USP48: variants seen among roughly 807,000 people sequenced by gnomAD.
USP48 encodes the protein ubiquitin carboxyl-terminal hydrolase 48.
Under a neutral mutation model 150.7 loss-of-function variants are expected in USP48, and 43 were observed. The observed-to-expected ratio is 0.29, with a 90% CI of 0.22 to 0.37. The LOEUF (loss-of-function observed/expected upper bound fraction) is 0.37, where lower values mean the gene tolerates loss of function less well. Among genes scored for constraint, USP48 ranks in the 10% least tolerant of loss-of-function variants. The pLI, the probability that USP48 is intolerant of heterozygous loss-of-function variation, is 1.00. For synonymous variants in USP48, 396 were observed against 425.9 expected (o/e 0.93, Z 0.86); for missense variants, 813 against 1,249.6 (o/e 0.65, Z 5.27).
chr1:21,720,929 G>A, intron 14 of USP48, 107 bp downstream of exon 14: 1 of 1,450,158 alleles, frequency 6.9e-7, no homozygotes, highest in Non-Finnish European at 9.4e-7. Flanking sequence ...CTGCCCGTCT[G>A]AGCCTCCCAA....
intron 13 of USP48, 101 bp downstream of exon 13, chr1:21,721,549 A>G (rs1481438098): frequency 1.2e-6 from 1 of 858,352 alleles, no homozygotes; most frequent in Admixed American, 3.6e-5. Flanking sequence ...CCTTCTTCTA[A>G]AAATCCCAAC....
chr1:21,751,233 C>A (rs548458238), intron 6 of USP48, among the ~76,000 whole-genome samples: 11 of 152,290 alleles, frequency 7.2e-5, no homozygotes, highest in South Asian at 6.2e-4. Flanking sequence ...GCATAGAGTT[C>A]TTTCAATACC....
chr1:21,679,543 A>C (rs776259928), intron 26 of USP48, 104 bp from the exon 27 acceptor site: 44 of 1,430,350 alleles, frequency 3.1e-5, no homozygotes, highest in Non-Finnish European at 4.1e-5. Flanking sequence ...CATCAAATTT[A>C]ATAAATGAAC....
At chr1:21,728,028 T>G (rs1386369674) in intron 11 of USP48, 21 of 985,332 alleles carry the variant, frequency 2.1e-5, no homozygotes, top group East Asian at 1.1e-4. Context: ...TAAACCTGAA[T>G]AAACATATAC....
intron 11 of USP48, chr1:21,728,346 T>C: frequency 7.8e-7 from 1 of 1,287,764 alleles, no homozygotes; most frequent in Non-Finnish European, 9.8e-7. Context: ...AATGTTATAA[T>C]TTATTAACAG....
intron 9 of USP48, among the ~76,000 whole-genome samples, chr1:21,733,484 A>G (rs1389215826): frequency 6.6e-6 from 1 of 152,240 alleles, no homozygotes; most frequent in African/African-American, 2.4e-5. Flanking sequence ...ATATAAAATG[A>G]TTCATAAAAC....
At chr1:21,776,615 AAAAG>A (rs1183111707) in intron 1 of USP48, among the ~76,000 whole-genome samples, 1 of 149,964 alleles carries the variant, frequency 6.7e-6, no homozygotes, top group Non-Finnish European at 1.5e-5. Context: ...AAAAAAAAAA[AAAAG>A]AAGAAAGTGA....
intron 1 of USP48, among the ~76,000 whole-genome samples, chr1:21,771,199 C>A (rs1168116501): frequency 6.6e-6 from 1 of 151,710 alleles, no homozygotes; most frequent in Non-Finnish European, 1.5e-5. Context: ...CGTGGTGAAA[C>A]CCCGTCTCTA....
chr1:21,726,932 T>C (rs754069776), intron 11 of USP48, among the ~76,000 whole-genome samples: 1 of 151,938 alleles, frequency 6.6e-6, no homozygotes, highest in South Asian at 2.1e-4. Context: ...CAGGGAAATA[T>C]ACATTTTGGT....
chr1:21,680,856 G>T (rs1558977706), intron 25 of USP48, 22 bp from the exon 26 acceptor site: 7 of 1,568,482 alleles, frequency 4.5e-6, no homozygotes, highest in Non-Finnish European at 4.3e-6. Context: ...AAAAAAAGAA[G>T]AATTCCAAAT....
chr1:21,756,915 C>G, intron 2 of USP48: 1 of 985,370 alleles, frequency 1.0e-6, no homozygotes, highest in Non-Finnish European at 1.2e-6. Context: ...AGACTTCGGA[C>G]GGCATCACTG....
chr1:21,723,276 T>C (rs542122493), intron 12 of USP48, among the ~76,000 whole-genome samples: 1 of 152,168 alleles, frequency 6.6e-6, no homozygotes, highest in African/African-American at 2.4e-5. Context: ...CCCAGCACTT[T>C]GGGAGGGCGA....
chr1:21,735,885 GAAAA>G (rs10708405), intron 9 of USP48, among the ~76,000 whole-genome samples: 2 of 124,396 alleles, frequency 1.6e-5, no homozygotes, highest in Admixed American at 1.7e-4. Context: ...AACAAGAGCG[GAAAA>G]AAAAAAAAAA....
chr1:21,744,361 T>C (rs35725951), intron 8 of USP48, among the ~76,000 whole-genome samples: 1 of 151,332 alleles, frequency 6.6e-6, no homozygotes, highest in African/African-American at 2.4e-5. Context: ...CAGAGAGAAT[T>C]GCTTGAACCC....
At chr1:21,742,102 C>T (rs1354941424) in intron 8 of USP48, among the ~76,000 whole-genome samples, 1 of 151,936 alleles carries the variant, frequency 6.6e-6, no homozygotes, top group Non-Finnish European at 1.5e-5. Context: ...CCCAGGCTAC[C>T]CTAGGGGGCA....
intron 1 of USP48, among the ~76,000 whole-genome samples, chr1:21,758,358 A>G (rs553960537): frequency 6.6e-6 from 1 of 152,338 alleles, no homozygotes; most frequent in East Asian, 1.9e-4. Context: ...AGGAAAATAT[A>G]CATGTACATA....
chr1:21,703,194 C>T (rs572512529), intron 21 of USP48, among the ~76,000 whole-genome samples: 1 of 152,236 alleles, frequency 6.6e-6, no homozygotes, highest in Non-Finnish European at 1.5e-5. Flanking sequence ...TCCTGATCTT[C>T]CTCACTAGGT....
In USP48 at chr1:21,679,381, C is replaced by T. The variant is rs2097559116; in HGVS notation, c.*36G>A. 14 of 1,613,822 alleles carry T rather than the reference C, an allele frequency of 8.7e-6. No individual in the cohort carries two copies. Among genetic ancestry groups the T allele is most frequent in the Admixed American group, 1.7e-5 (1 of 60,002 alleles). On this transcript the variant is annotated 3_prime_UTR_variant, in exon 27 of 27. Transcript: ENST00000308271. ...TAACATGTCAAACTCCTCTTCCCCT[C>T]TGGTCATTTCTTAGCAGTCAGCAAG... is the stretch of plus-strand genomic sequence containing the variant.
intron 23 of USP48, among the ~76,000 whole-genome samples, chr1:21,692,336 T>C (rs984716764): frequency 4.6e-5 from 7 of 152,026 alleles, no homozygotes; most frequent in African/African-American, 1.7e-4. Flanking sequence ...CAGAGGCATA[T>C]CCAGCCCTAC....
Sources: gnomAD v4.1 joint callset for allele counts (sites outside exome capture counted in the v4.1 genomes callset) on GRCh38, gnomAD v4.1.1 for gene constraint, MANE v1.5 for transcripts, NCBI Gene and HGNC (gene_info 2026-07-23, HGNC 2026-07-21) for gene names.